The following CREB5 variants were observed in gnomAD, a reference collection of about 807,000 sequenced individuals.
CREB5 encodes the protein cAMP responsive element binding protein 5.
A neutral mutation model predicts 57.1 loss-of-function variants in CREB5; 19 were observed. The ratio of observed to expected loss-of-function variants is 0.33; its 90% CI spans 0.23 to 0.49. The LOEUF is 0.49. Among genes scored for constraint, CREB5 ranks in the 20% least tolerant of loss-of-function variants. The pLI, the probability that CREB5 is intolerant of heterozygous loss-of-function variation, is 0.99. For missense variants in CREB5, 579 were observed against 671.6 expected (o/e 0.86, Z 1.52); for synonymous variants, 238 against 238.3 (o/e 1.00, Z 0.01).
At chr7:28,385,493 A>G (rs1475498567) in intron 1 of CREB5, among the ~76,000 whole-genome samples, 1 of 152,134 alleles carries the variant, frequency 6.6e-6, no homozygotes, top group Non-Finnish European at 1.5e-5. Context: ...CCTGGGCAAC[A>G]TGGTGAAACC....
intron 1 of CREB5, among the ~76,000 whole-genome samples, chr7:28,487,467 G>C (rs763023743): frequency 6.6e-6 from 1 of 152,156 alleles, no homozygotes; most frequent in Admixed American, 6.5e-5. Flanking sequence ...TTAATTTCAA[G>C]TCAGCTTATA....
chr7:28,318,304 T>C (rs1176005772), intron 1 of CREB5, among the ~76,000 whole-genome samples: 1 of 152,200 alleles, frequency 6.6e-6, no homozygotes, highest in African/African-American at 2.4e-5. Context: ...TGCAATGTAT[T>C]GGTTCCAAGA....
chr7:28,692,572 T>A (rs547854499), intron 5 of CREB5, among the ~76,000 whole-genome samples: 1 of 152,184 alleles, frequency 6.6e-6, no homozygotes, highest in African/African-American at 2.4e-5. Context: ...ACTTCACCTC[T>A]CTGTGCCACA....
chr7:28,485,874 A>T (rs1469062814), intron 1 of CREB5, among the ~76,000 whole-genome samples: 1 of 152,176 alleles, frequency 6.6e-6, no homozygotes, highest in East Asian at 1.9e-4. Flanking sequence ...CTCAGTATTC[A>T]CAGTGGGGAA....
At chr7:28,418,937 T>C (rs890050795) in intron 1 of CREB5, among the ~76,000 whole-genome samples, 6 of 152,242 alleles carry the variant, frequency 3.9e-5, no homozygotes, top group Non-Finnish European at 4.4e-5. Context: ...ATAACATTCT[T>C]TCGGGTGCTT....
chr7:28,396,653 A>G lies in CREB5; in HGVS notation c.-25+97212A>G, dbSNP rs556120245. On this transcript the variant is annotated intron_variant, in intron 1 of 9. Coordinates refer to the CREB5 transcript ENST00000396299. ...GTGCACAGGAAATATATTTTTTTCTATAAGTTTCCTGTGTCTGTTTTACTT... is the reference window on the plus strand; with the variant it reads ...GTGCACAGGAAATATATTTTTTTCTGTAAGTTTCCTGTGTCTGTTTTACTT... Among the ~76,000 whole-genome samples the G allele has an allele frequency of 3.3e-5, 5 of 152,300 alleles. No homozygotes were observed. In the South Asian group the frequency reaches 6.2e-4, roughly 19 times the overall value.
Position 28,608,113 on chromosome 7 carries a change from TCA to T in CREB5, c.464+37584_464+37585del, listed in dbSNP as rs61349634. Reference sequence around the variant, plus strand: ...CTCTCTGTCTCTCTCTCTCTCTCTCTCACACACACTCACACACACACACACAC... The same window carrying T: ...CTCTCTGTCTCTCTCTCTCTCTCTCTCACACACTCACACACACACACACAC... On this transcript the variant is annotated intron_variant, in intron 5 of 10. Transcript: ENST00000357727. Among the ~76,000 whole-genome samples the T allele has an allele frequency of 3.1e-4, 44 of 143,168 alleles. 1 individual carries two copies. Among genetic ancestry groups the T allele is most frequent in the East Asian group, 1.1e-3 (5 of 4,668 alleles). 93.9% of individuals were successfully genotyped at this position (143,168 alleles called of 152,430 possible). A position where few individuals can be genotyped will look rare whatever the true frequency, so the allele number is the denominator to read the frequency against.
At chr7:28,566,645 AGTTACTATGTAAAGCTTAAAG>A (rs1184732424) in intron 4 of CREB5, among the ~76,000 whole-genome samples, 2 of 150,638 alleles carry the variant, frequency 1.3e-5, no homozygotes, top group African/African-American at 2.5e-5. Flanking sequence ...TTCATGTTTG[AGTTACTATGTAAAGCTTAAAG>A]AAAAAAAAAT....
chr7:28,698,200 A>C (rs1801669883), intron 5 of CREB5, among the ~76,000 whole-genome samples: 1 of 152,100 alleles, frequency 6.6e-6, no homozygotes, highest in South Asian at 2.1e-4. Flanking sequence ...TTTTTACCGA[A>C]CGCAAAATGC....
intron 1 of CREB5, among the ~76,000 whole-genome samples, chr7:28,443,811 T>C (rs1369463305): frequency 6.6e-6 from 1 of 152,146 alleles, no homozygotes; most frequent in Non-Finnish European, 1.5e-5. Flanking sequence ...GATGACTCTT[T>C]GGGACACATG....
chr7:28,813,450 C>G (rs1328094580), intron 9 of CREB5, among the ~76,000 whole-genome samples: 1 of 152,160 alleles, frequency 6.6e-6, no homozygotes, highest in East Asian at 1.9e-4. Context: ...GACACATGAG[C>G]CCAGGTCTGG....
At chr7:28,378,834 C>T (rs1386472293) in intron 1 of CREB5, among the ~76,000 whole-genome samples, 2 of 152,182 alleles carry the variant, frequency 1.3e-5, no homozygotes, top group Non-Finnish European at 2.9e-5. Flanking sequence ...GCATTTGTGT[C>T]TTCAACTTGT....
chr7:28,605,838 C>G (rs1797111194), intron 5 of CREB5, among the ~76,000 whole-genome samples: 3 of 152,124 alleles, frequency 2.0e-5, no homozygotes, highest in Admixed American at 2.0e-4. Flanking sequence ...AAAATGTTTT[C>G]TAGTGACAGA....
At chr7:28,482,591 A>G (rs114589387) in intron 1 of CREB5, among the ~76,000 whole-genome samples, 47 of 152,338 alleles carry the variant, frequency 3.1e-4, no homozygotes, top group African/African-American at 1.1e-3. Flanking sequence ...TTGAGGTCTC[A>G]TAAGCTCAAC....
intron 5 of CREB5, among the ~76,000 whole-genome samples, chr7:28,699,017 C>G (rs1266076278): frequency 6.6e-6 from 1 of 152,094 alleles, no homozygotes; most frequent in African/African-American, 2.4e-5. Context: ...GCGAGATACT[C>G]ACAATAAGGG....
At chr7:28,637,572 A>G (rs2128697616) in intron 5 of CREB5, among the ~76,000 whole-genome samples, 1 of 152,284 alleles carries the variant, frequency 6.6e-6, no homozygotes, top group East Asian at 1.9e-4. Context: ...AGGTAGGAAA[A>G]GCTTTTCTGG....
intron 7 of CREB5, among the ~76,000 whole-genome samples, chr7:28,773,401 T>C (rs998085360): frequency 6.6e-6 from 1 of 152,248 alleles, no homozygotes; most frequent in Non-Finnish European, 1.5e-5. Flanking sequence ...TTTAGAGCTA[T>C]TCTTATAAAT....
chr7:28,732,251 A>T (rs979289326), intron 7 of CREB5, among the ~76,000 whole-genome samples: 2 of 151,958 alleles, frequency 1.3e-5, no homozygotes, highest in Non-Finnish European at 2.9e-5. Flanking sequence ...GCCAGTATCC[A>T]CCCTGTTTTG....
intron 5 of CREB5, among the ~76,000 whole-genome samples, chr7:28,697,635 A>T (rs1801643470): frequency 6.6e-6 from 1 of 152,124 alleles, no homozygotes; most frequent in South Asian, 2.1e-4. Context: ...AACAAAATGC[A>T]ATCTGATTTA....
Sources: gnomAD v4.1 joint callset for allele counts (sites outside exome capture counted in the v4.1 genomes callset) on GRCh38, gnomAD v4.1.1 for gene constraint, MANE v1.5 for transcripts, NCBI Gene and HGNC (gene_info 2026-07-23, HGNC 2026-07-21) for gene names.